Variants in PHF21A observed in about 807,000 individuals in gnomAD.
PHF21A encodes PHD finger protein 21A, also known as BHC80a.
Under a neutral mutation model 82.5 loss-of-function variants are expected in PHF21A, and 11 were observed. That is an observed-to-expected ratio of 0.13 (90% CI 0.08 to 0.22). PHF21A has a LOEUF of 0.22. PHF21A is among the 10% of genes least tolerant of loss of function. PHF21A has a pLI of 1.00. For missense variants in PHF21A, 579 were observed against 837.8 expected (o/e 0.69, Z 3.81); for synonymous variants, 297 against 302.8 (o/e 0.98, Z 0.20).
chr11:45,953,024 C>T (rs1373207698), intron 11 of PHF21A, among the ~76,000 whole-genome samples: 1 of 152,172 alleles, frequency 6.6e-6, no homozygotes, highest in Non-Finnish European at 1.5e-5. Flanking sequence ...TTTTATGCTT[C>T]AATGGATTAC....
rs770213284 is a variant in PHF21A at position 45,965,300 on chromosome 11, A to G, written c.996+15T>C. ...CAAGGCTACTGCCCAGAGCAGGTACATACTCTGCCTGTACCTGTTTTTCAA... is the reference window on the plus strand; with the variant it reads ...CAAGGCTACTGCCCAGAGCAGGTACGTACTCTGCCTGTACCTGTTTTTCAA... On this transcript the variant is annotated intron_variant, in intron 10 of 18. Coordinates refer to ENST00000676320, the MANE Select transcript of PHF21A (RefSeq NM_001352027.3). 18 of 1,612,192 alleles carry G rather than the reference A, an allele frequency of 1.1e-5. No individual in the cohort carries two copies. Among genetic ancestry groups the G allele is most frequent in the Non-Finnish European group, 1.4e-5 (16 of 1,179,084 alleles).
At chr11:45,944,080 C>T (rs1179051821) in intron 15 of PHF21A, among the ~76,000 whole-genome samples, 2 of 151,976 alleles carry the variant, frequency 1.3e-5, no homozygotes, top group African/African-American at 4.8e-5. Flanking sequence ...TGAATTGGAC[C>T]CTGAAGCAGG....
chr11:46,106,197 T>C (rs2097150289), intron 1 of PHF21A, among the ~76,000 whole-genome samples: 1 of 152,210 alleles, frequency 6.6e-6, no homozygotes, highest in Admixed American at 6.5e-5. Context: ...ATTTTCATTC[T>C]ACATTTGTAT....
At chr11:46,017,058 C>A (rs1483190186) in intron 6 of PHF21A, among the ~76,000 whole-genome samples, 2 of 152,046 alleles carry the variant, frequency 1.3e-5, no homozygotes, top group African/African-American at 4.8e-5. Flanking sequence ...GAAACCTCTG[C>A]CTCCCAGGTT....
chr11:46,017,490 T>C (rs1185487416), intron 6 of PHF21A, among the ~76,000 whole-genome samples: 1 of 152,028 alleles, frequency 6.6e-6, no homozygotes, highest in Non-Finnish European at 1.5e-5. Context: ...TCTGTCTCCC[T>C]GTGGTGGTAG....
intron 15 of PHF21A, among the ~76,000 whole-genome samples, chr11:45,944,648 C>A (rs1260819106): frequency 1.3e-5 from 2 of 152,374 alleles, no homozygotes; most frequent in African/African-American, 4.8e-5. Flanking sequence ...CACCTCAGGG[C>A]TTTGCACTGC....
chr11:45,958,395 T>TAAAAAAAAAAAA (rs2092818095), intron 10 of PHF21A, among the ~76,000 whole-genome samples: 1 of 1,150 alleles, frequency 8.7e-4, no homozygotes, highest in East Asian at 0.25. Flanking sequence ...AAACCTGGTC[T>TAAAAAAAAAAAA]CAAAAAAAAA....
chr11:46,096,683 C>T (rs960756801), intron 1 of PHF21A, among the ~76,000 whole-genome samples: 18 of 152,128 alleles, frequency 1.2e-4, no homozygotes, highest in African/African-American at 4.1e-4. Context: ...AAATGTGGAA[C>T]TGTCCCAGGA....
chr11:46,120,566 GA>G (rs1224587318), intron 1 of PHF21A: 209 of 152,454 alleles, frequency 1.4e-3, no homozygotes, highest in African/African-American at 4.6e-3. Flanking sequence ...GGGCAGAGGG[GA>G]GGGGGGGGAG....
intron 15 of PHF21A, among the ~76,000 whole-genome samples, chr11:45,945,367 A>G (rs561464413): frequency 6.6e-6 from 1 of 152,356 alleles, no homozygotes; most frequent in South Asian, 2.1e-4. Flanking sequence ...ACTCTGCTCT[A>G]AAGAGCAGAG....
intron 5 of PHF21A, among the ~76,000 whole-genome samples, chr11:46,077,743 T>A (rs1490320408): frequency 2.0e-5 from 3 of 152,188 alleles, no homozygotes; most frequent in Non-Finnish European, 4.4e-5. Context: ...CCTGCCTACC[T>A]CAGATTCTTC....
At chr11:46,055,477 T>C (rs1195523992) in intron 6 of PHF21A, among the ~76,000 whole-genome samples, 2 of 152,288 alleles carry the variant, frequency 1.3e-5, no homozygotes, top group Admixed American at 1.3e-4. Flanking sequence ...GGAGTGACAA[T>C]TAAACCAGTG....
intron 14 of PHF21A, among the ~76,000 whole-genome samples, chr11:45,946,597 G>A (rs550092843): frequency 6.6e-6 from 1 of 152,052 alleles, no homozygotes; most frequent in Admixed American, 6.6e-5. Context: ...GGATGGTCTC[G>A]ATCTCCTGAC....
intron 1 of PHF21A, among the ~76,000 whole-genome samples, chr11:46,108,762 A>G (rs928836822): frequency 3.3e-5 from 5 of 152,170 alleles, no homozygotes; most frequent in African/African-American, 7.2e-5. Context: ...TGATCGTTAT[A>G]TAAGGACTGA....
At chr11:46,058,512 C>T (rs527802657) in intron 6 of PHF21A, among the ~76,000 whole-genome samples, 3 of 152,210 alleles carry the variant, frequency 2.0e-5, no homozygotes, top group Admixed American at 2.0e-4. Flanking sequence ...TAATTATTTG[C>T]CAAATGAATT....
rs2096933809 is a variant in PHF21A at position 46,092,226 on chromosome 11, A to G, written c.-236-3T>C. The G allele has an allele frequency of 6.6e-6, 1 of 152,200 alleles. No individual in the cohort carries two copies. Among genetic ancestry groups the G allele is most frequent in the Admixed American group, 6.5e-5 (1 of 15,274 alleles). The allele number at this position is 152,200 out of a possible 1,614,324, so 9.4% of individuals were successfully genotyped here. A position where few individuals can be genotyped will look rare whatever the true frequency, so the allele number is the denominator to read the frequency against. On this transcript the variant is annotated splice_region_variant and splice_polypyrimidine_tract_variant and intron_variant, in intron 1 of 18. Coordinates refer to ENST00000676320, the MANE Select transcript of PHF21A (RefSeq NM_001352027.3). ...CTCTCCTTCAGCTCTCTAGCCCCCTATAACAGAAGAACGGGAAAATGGAAT... is the reference window on the plus strand; with the variant it reads ...CTCTCCTTCAGCTCTCTAGCCCCCTGTAACAGAAGAACGGGAAAATGGAAT...
chr11:46,078,428 G>C (rs1287980782), intron 5 of PHF21A, among the ~76,000 whole-genome samples: 4 of 152,062 alleles, frequency 2.6e-5, no homozygotes, highest in Non-Finnish European at 4.4e-5. Context: ...TTATGACCTA[G>C]TATCTAATGG....
chr11:46,004,541 T>C (rs945035102), intron 6 of PHF21A, among the ~76,000 whole-genome samples: 3 of 152,224 alleles, frequency 2.0e-5, no homozygotes, highest in African/African-American at 7.2e-5. Context: ...TGAAATATTT[T>C]ATCAGTAGCT....
At chr11:46,015,484 A>T (rs2095498715) in intron 6 of PHF21A, among the ~76,000 whole-genome samples, 1 of 152,080 alleles carries the variant, frequency 6.6e-6, no homozygotes, top group Non-Finnish European at 1.5e-5. Flanking sequence ...GATTTTAAAA[A>T]TTTATTTCTT....
Sources: allele counts gnomAD v4.1 joint callset (sites outside exome capture counted in the v4.1 genomes callset), GRCh38; gene constraint gnomAD v4.1.1; transcripts MANE v1.5; gene names NCBI Gene and HGNC (gene_info 2026-07-23, HGNC 2026-07-21).